SLC25A26: variants seen among roughly 807,000 people sequenced by gnomAD.
SLC25A26 encodes solute carrier family 25 member 26, also known as mitochondrial S-adenosylmethionine carrier protein.
Under a neutral mutation model 37.8 loss-of-function variants are expected in SLC25A26, and 36 were observed. That is an observed-to-expected ratio of 0.95 (90% CI 0.73 to 1.26). The LOEUF (loss-of-function observed/expected upper bound fraction) is 1.26. Ranked by LOEUF, SLC25A26 falls within the 50% of genes most tolerant of loss-of-function variation. The pLI is 0.00. For missense variants in SLC25A26, 390 were observed against 331.1 expected, an observed-to-expected ratio of 1.18 and a Z score of -1.38; for synonymous variants, 129 against 122.5, an observed-to-expected ratio of 1.05 and a Z score of -0.35.
At chr3:66,306,215 C>T (rs1342197499) in intron 5 of SLC25A26, among the ~76,000 whole-genome samples, 4 of 152,162 alleles carry the variant, frequency 2.6e-5, no homozygotes, top group African/African-American at 9.6e-5. Context: ...CTCCTGACCT[C>T]GTGATTCACC....
intron 1 of SLC25A26, among the ~76,000 whole-genome samples, chr3:66,151,531 C>G (rs1164485503): frequency 1.3e-5 from 2 of 152,214 alleles, no homozygotes; most frequent in Non-Finnish European, 2.9e-5. Flanking sequence ...ACAGCCTGAC[C>G]CTTAGCCACC....
In SLC25A26 at chr3:66,156,420, C is replaced by T. The variant is rs368874469; in HGVS notation, c.-354+22436C>T. Among the ~76,000 whole-genome samples the T allele has an allele frequency of 8.6e-5, 13 of 151,552 alleles. No homozygotes were observed. The East Asian group carries it at 2.1e-3, about 25-fold the overall frequency. ...CCAATGAAGAAGATTTTCTTCAAAG[C>T]GGAGAAATTAGCAACATGATATAGG... On this transcript the variant is annotated intron_variant, in intron 1 of 10. Transcript: ENST00000676754.
intron 5 of SLC25A26, among the ~76,000 whole-genome samples, chr3:66,316,580 G>A (rs979565874): frequency 5.3e-5 from 8 of 152,016 alleles, no homozygotes; most frequent in African/African-American, 1.7e-4. Context: ...TGGAGGATCT[G>A]ATGATTATAT....
At chr3:66,316,660 G>A (rs972385951) in intron 5 of SLC25A26, among the ~76,000 whole-genome samples, 2 of 152,022 alleles carry the variant, frequency 1.3e-5, no homozygotes, top group Non-Finnish European at 2.9e-5. Flanking sequence ...TTGAATGTTG[G>A]CTTATCTTGC....
At chr3:66,370,115 G>A (rs1700265712) in intron 8 of SLC25A26, among the ~76,000 whole-genome samples, 1 of 152,202 alleles carries the variant, frequency 6.6e-6, no homozygotes, top group African/African-American at 2.4e-5. Context: ...TCCAACCTAA[G>A]AATGTTAATC....
At chr3:66,257,839 A>G (rs1043561967) in intron 3 of SLC25A26, among the ~76,000 whole-genome samples, 1 of 152,064 alleles carries the variant, frequency 6.6e-6, no homozygotes, top group Non-Finnish European at 1.5e-5. Flanking sequence ...ATTGACCGTA[A>G]TGGATCTCCC....
At chr3:66,175,124 T>TATATATATATAC (rs1559560885) in intron 1 of SLC25A26, among the ~76,000 whole-genome samples, 7 of 91,192 alleles carry the variant, frequency 7.7e-5, no homozygotes, top group African/African-American at 2.7e-4. Flanking sequence ...TATATATATA[T>TATATATATATAC]ATATATATAT....
chr3:66,146,873 T>C (rs913715047), intron 1 of SLC25A26, among the ~76,000 whole-genome samples: 4 of 152,160 alleles, frequency 2.6e-5, no homozygotes, highest in Non-Finnish European at 4.4e-5. Context: ...ATCAGTCTTA[T>C]GCTTTTGCGG....
chr3:66,244,446 C>T lies in SLC25A26; in HGVS notation c.300+1134C>T, dbSNP rs191456933. Among the ~76,000 whole-genome samples, 459 of 152,304 alleles carry T rather than the reference C, an allele frequency of 3.0e-3. 14 individuals carry two copies. Among genetic ancestry groups the T allele is most frequent in the Admixed American group, 0.027 (411 of 15,296 alleles). On this transcript the variant is annotated intron_variant, in intron 3 of 9. Transcript: ENST00000354883. ...TTACTAAGGCCATAGAAGATTTGAA[C>T]AACACAATGACAAGATTGGTCTGTT... is the stretch of plus-strand genomic sequence containing the variant.
intron 6 of SLC25A26, among the ~76,000 whole-genome samples, chr3:66,361,437 T>C (rs1256219508): frequency 6.6e-6 from 1 of 152,096 alleles, no homozygotes; most frequent in Non-Finnish European, 1.5e-5. Flanking sequence ...AAGATGCTGT[T>C]AAAAGAATGA....
chr3:66,293,551 G>C (rs376894068), intron 5 of SLC25A26, among the ~76,000 whole-genome samples: 1 of 149,644 alleles, frequency 6.7e-6, no homozygotes, highest in Non-Finnish European at 1.5e-5. Flanking sequence ...AGCCTCCACC[G>C]TCCGATAGGC....
intron 1 of SLC25A26, among the ~76,000 whole-genome samples, chr3:66,184,997 C>G (rs1269768019): frequency 1.3e-5 from 2 of 152,184 alleles, no homozygotes; most frequent in African/African-American, 4.8e-5. Context: ...CCATCTTAAA[C>G]ATTTTAAAGT....
At chr3:66,223,029 A>C (rs188732001) in intron 1 of SLC25A26, among the ~76,000 whole-genome samples, 4 of 152,242 alleles carry the variant, frequency 2.6e-5, no homozygotes, top group Non-Finnish European at 5.9e-5. Flanking sequence ...TCTTCCATCT[A>C]TTCTGCCCAC....
intron 8 of SLC25A26, 72 bp from the exon 9 acceptor site, chr3:66,370,454 TGAG>T: frequency 8.5e-7 from 1 of 1,175,578 alleles, no homozygotes; most frequent in South Asian, 1.3e-5. Flanking sequence ...GCTGTGTGTC[TGAG>T]GATATCTGAG....
chr3:66,194,832 C>T (rs962609116), intron 1 of SLC25A26, among the ~76,000 whole-genome samples: 1 of 152,180 alleles, frequency 6.6e-6, no homozygotes, highest in South Asian at 2.1e-4. Flanking sequence ...GACTCCCGAC[C>T]CCAGGTGATC....
At chr3:66,297,004 A>G (rs1330299776) in intron 5 of SLC25A26, among the ~76,000 whole-genome samples, 1 of 152,208 alleles carries the variant, frequency 6.6e-6, no homozygotes, top group Non-Finnish European at 1.5e-5. Context: ...GAAGCCTCCC[A>G]TTTATAAGTA....
rs1044111882 is a variant in SLC25A26 at position 66,210,663 on chromosome 3, C to G, written c.-353-10079C>G. On this transcript the variant is annotated intron_variant, in intron 1 of 10. Coordinates refer to the SLC25A26 transcript ENST00000676754. ...GAGTAGTTGGGGCTATAGAAGCAGG[C>G]CAACATGCGAGGCTAATTTTTGTAT... 2.2e-3 allele frequency among the ~76,000 whole-genome samples: 331 copies of G among 152,158 alleles called. 1 individual carries two copies. The highest frequency in any genetic ancestry group is 7.3e-3 in the African/African-American group (304 of 41,500).
At chr3:66,266,037 T>C (rs985185292) in intron 5 of SLC25A26, among the ~76,000 whole-genome samples, 31 of 152,258 alleles carry the variant, frequency 2.0e-4, no homozygotes, top group African/African-American at 7.2e-4. Context: ...TTGACATATG[T>C]CCTGCTAGTA....
intron 1 of SLC25A26, among the ~76,000 whole-genome samples, chr3:66,197,064 T>C (rs1281717055): frequency 2.6e-5 from 4 of 152,310 alleles, no homozygotes; most frequent in South Asian, 2.1e-4. Context: ...TTGAAAGTAG[T>C]ATGTTTTGCT....
Sources: gnomAD v4.1 joint callset for allele counts (sites outside exome capture counted in the v4.1 genomes callset) on GRCh38, gnomAD v4.1.1 for gene constraint, MANE v1.5 for transcripts, NCBI Gene and HGNC (gene_info 2026-07-23, HGNC 2026-07-21) for gene names.